CDH23: variants seen among roughly 807,000 people sequenced by gnomAD.
CDH23 encodes cadherin-23.
A neutral mutation model predicts 317.1 loss-of-function variants in CDH23; 189 were observed. The ratio of observed to expected loss-of-function variants is 0.60; its 90% CI spans 0.53 to 0.67. The LOEUF is 0.67. CDH23 is among the 30% of genes least tolerant of loss of function. The pLI is 0.00. For synonymous variants in CDH23, 1,839 were observed against 1,876.8 expected, an observed-to-expected ratio of 0.98 and a Z score of 0.52; for missense variants, 4,401 against 4,592.4, an observed-to-expected ratio of 0.96 and a Z score of 1.20.
chr10:71,477,972 G>A (rs1851879899), intron 3 of CDH23, among the ~76,000 whole-genome samples: 1 of 152,028 alleles, frequency 6.6e-6, no homozygotes, highest in Non-Finnish European at 1.5e-5. Flanking sequence ...TCTCCACACA[G>A]TACCCCAGGC....
Position 71,803,008 on chromosome 10 carries a change from G to C in CDH23, c.7593G>C (p.Met2531Ile), listed in dbSNP as rs1240459613. ...NEPAGTSVITMMATDQDEGPN... is the reference protein window; with the variant it reads ...NEPAGTSVITIMATDQDEGPN... ...CGGCGGGCACCTCGGTCATCACCATGATGGCCACTGACCAGGATGAAGGTC... is the reference window on the plus strand; with the variant it reads ...CGGCGGGCACCTCGGTCATCACCATCATGGCCACTGACCAGGATGAAGGTC... Residue 2531 changes from methionine to isoleucine, a missense_variant, in exon 54 of 70, where the codon ATG becomes ATC. Physicochemically the swap from Met to Ile is conservative, Grantham distance 10. Transcript: ENST00000224721. 1.9e-6 allele frequency: 3 copies of C among 1,613,892 alleles called. No individual in the cohort carries two copies. The highest frequency in any genetic ancestry group is 1.1e-5 in the South Asian group (1 of 91,094).
At position 71,570,893 on chromosome 10, in the gene CDH23, C is replaced by T. The variant is rs753526835; in HGVS notation, c.728C>T (p.Thr243Ile). ...DPIFINLPYSTNIYEHSPPGT... is the reference protein window; with the variant it reads ...DPIFINLPYSINIYEHSPPGT... ...ATCTTCATCAACCTGCCTTACAGCA[C>T]CAACATCTACGAGCATTCTCCTCCG... The change falls in exon 8 of 70, where the codon ACC becomes ATC. Residue 243 changes from threonine to isoleucine, a missense_variant. Around this residue, in one of 3 missense-constraint regions of CDH23, gnomAD observed 3,068 missense variants for 3,203.3 expected, o/e 0.96. Transcript: ENST00000224721. 3 of 1,613,994 alleles carry T rather than the reference C, an allele frequency of 1.9e-6. No individual in the cohort carries two copies. In the East Asian group the frequency reaches 6.7e-5, roughly 36 times the overall value.
chr10:71,462,352 C>G (rs1033615739), intron 3 of CDH23, among the ~76,000 whole-genome samples: 2 of 152,188 alleles, frequency 1.3e-5, no homozygotes, highest in African/African-American at 4.8e-5. Context: ...TCTCCCTCTT[C>G]AGGCGCCCCA....
chr10:71,744,333 C>T (rs1466386359), intron 38 of CDH23, among the ~76,000 whole-genome samples: 2 of 152,164 alleles, frequency 1.3e-5, no homozygotes, highest in Non-Finnish European at 2.9e-5. Flanking sequence ...TAGGGTCTCT[C>T]AGGGAGACCA....
At chr10:71,556,235 G>T (rs1223353277) in intron 6 of CDH23, among the ~76,000 whole-genome samples, 1 of 152,168 alleles carries the variant, frequency 6.6e-6, no homozygotes, top group Non-Finnish European at 1.5e-5. Context: ...TGGTGATTTG[G>T]GGGGAAATGA....
chr10:71,477,139 G>A (rs531774649), intron 3 of CDH23, among the ~76,000 whole-genome samples: 1 of 152,264 alleles, frequency 6.6e-6, no homozygotes, highest in African/African-American at 2.4e-5. Flanking sequence ...GTGTGTCTGA[G>A]GGCTAAGCCA....
chr10:71,399,181 T>A (rs1016033686), intron 1 of CDH23, among the ~76,000 whole-genome samples: 3 of 152,020 alleles, frequency 2.0e-5, no homozygotes, highest in African/African-American at 7.3e-5. Flanking sequence ...TTCTGGGAGG[T>A]GAAGGTGTAG....
intron 6 of CDH23, among the ~76,000 whole-genome samples, chr10:71,528,639 C>T (rs1213851284): frequency 2.0e-5 from 3 of 152,230 alleles, no homozygotes; most frequent in Non-Finnish European, 4.4e-5. Context: ...TTGAGGTGCC[C>T]GGGCCTCCGC....
At chr10:71,495,034 GC>G (rs1852883055) in intron 3 of CDH23, among the ~76,000 whole-genome samples, 1 of 152,130 alleles carries the variant, frequency 6.6e-6, no homozygotes, top group South Asian at 2.1e-4. Context: ...CCACCACGGA[GC>G]CCCAGCCCTG....
chr10:71,442,048 C>T (rs141111370), intron 2 of CDH23, among the ~76,000 whole-genome samples: 66 of 152,368 alleles, frequency 4.3e-4, no homozygotes, highest in African/African-American at 1.5e-3. Context: ...GTACATCAAG[C>T]ACTTAGAATA....
chr10:71,563,550 A>G (rs2132348328), intron 6 of CDH23, among the ~76,000 whole-genome samples: 1 of 152,278 alleles, frequency 6.6e-6, no homozygotes, highest in African/African-American at 2.4e-5. Context: ...GAGATTCATT[A>G]ACTGTTTACA....
At chr10:71,539,042 G>A (rs188442891) in intron 6 of CDH23, among the ~76,000 whole-genome samples, 106 of 152,318 alleles carry the variant, frequency 7.0e-4, no homozygotes, top group Middle Eastern at 3.4e-3. Flanking sequence ...GGGAGTTTCC[G>A]GTGCCTTGGT....
At chr10:71,562,100 G>T (rs1483703567) in intron 6 of CDH23, among the ~76,000 whole-genome samples, 1 of 152,024 alleles carries the variant, frequency 6.6e-6, no homozygotes, top group Non-Finnish European at 1.5e-5. Flanking sequence ...ACTCCAACCC[G>T]TGCAGCCCCA....
intron 14 of CDH23, among the ~76,000 whole-genome samples, chr10:71,650,746 T>C (rs1863130243): frequency 6.6e-6 from 1 of 152,196 alleles, no homozygotes. Flanking sequence ...CCCAGGCTGC[T>C]CTGTGATTCA....
At chr10:71,484,985 TA>T (rs1322208132) in intron 3 of CDH23, among the ~76,000 whole-genome samples, 7 of 151,784 alleles carry the variant, frequency 4.6e-5, no homozygotes, top group African/African-American at 1.7e-4. Flanking sequence ...TGTCCACAAA[TA>T]GGGGTGTGTG....
chr10:71,472,984 G>A (rs1402534683), intron 3 of CDH23, among the ~76,000 whole-genome samples: 1 of 152,190 alleles, frequency 6.6e-6, no homozygotes, highest in Non-Finnish European at 1.5e-5. Flanking sequence ...AAAAGTAGGT[G>A]TATCTGTTAC....
intron 6 of CDH23, among the ~76,000 whole-genome samples, chr10:71,555,230 G>A (rs1856814697): frequency 6.6e-6 from 1 of 152,190 alleles, no homozygotes; most frequent in Non-Finnish European, 1.5e-5. Context: ...CCACGAGGGA[G>A]GGGGTGGTAC....
intron 1 of CDH23, among the ~76,000 whole-genome samples, chr10:71,412,538 A>C (rs1229980989): frequency 6.6e-6 from 1 of 152,040 alleles, no homozygotes; most frequent in Non-Finnish European, 1.5e-5. Context: ...CAGTGGCTAC[A>C]CTAAACTGTA....
chr10:71,812,133 T>C (rs541245802), intron 66 of CDH23, 118 bp downstream of exon 66: 1 of 1,599,124 alleles, frequency 6.3e-7, no homozygotes, highest in South Asian at 1.1e-5. Flanking sequence ...GGGCGCCCCC[T>C]GGTGGGCGGG....
Sources: allele counts gnomAD v4.1 joint callset (sites outside exome capture counted in the v4.1 genomes callset), GRCh38; gene constraint gnomAD v4.1.1; regional missense constraint gnomAD v4.1.1; transcripts MANE v1.5; gene names NCBI Gene and HGNC (gene_info 2026-07-23, HGNC 2026-07-21).